ZNF276: variants seen among roughly 807,000 people sequenced by gnomAD.
The protein encoded by ZNF276 is zinc finger protein 276.
Under a neutral mutation model 63.9 loss-of-function variants are expected in ZNF276, and 59 were observed. That is an observed-to-expected ratio of 0.92 (90% CI 0.75 to 1.15). ZNF276 has a LOEUF of 1.15. ZNF276 is among the 50% of genes most tolerant of loss of function. ZNF276 has a pLI of 0.00. For synonymous variants in ZNF276, 496 were observed against 348.4 expected (o/e 1.42, Z -4.72); for missense variants, 1,084 against 843.8 (o/e 1.28, Z -3.53).
chr16:89,727,097 G>A (rs2061493270), intron 4 of ZNF276, among the ~76,000 whole-genome samples, 182 bp from the exon 5 acceptor site: 1 of 152,224 alleles, frequency 6.6e-6, no homozygotes, highest in Non-Finnish European at 1.5e-5. Context: ...ACGTTGGGCT[G>A]GCAGGGCAGG....
chr16:89,734,710 G>C (rs916285463), intron 9 of ZNF276, among the ~76,000 whole-genome samples: 2 of 152,210 alleles, frequency 1.3e-5, no homozygotes, highest in African/African-American at 4.8e-5. Flanking sequence ...GGCACGTGTG[G>C]TTCTGCCTTT....
Position 89,733,910 on chromosome 16 carries a change from C to T in ZNF276, c.1357-11C>T. 6.2e-7 allele frequency: 1 copy of T among 1,612,628 alleles called. No homozygotes were observed. Among genetic ancestry groups the T allele is most frequent in the Non-Finnish European group, 8.5e-7 (1 of 1,179,058 alleles). On this transcript the variant is annotated splice_polypyrimidine_tract_variant and intron_variant, in intron 8 of 10. Coordinates refer to ENST00000443381, the MANE Select transcript of ZNF276 (RefSeq NM_001113525.2). ...CGGCTCTGAGGGTCTCTCACCGAGT[C>T]TCTCCTTCAGAAGCACATCAAGGAG...
In ZNF276 at chr16:89,723,248, G is replaced by A; in HGVS notation, c.557-12G>A. The A allele has an allele frequency of 6.2e-7, 1 of 1,613,184 alleles. No homozygotes were observed. The highest frequency in any genetic ancestry group is 8.5e-7 in the Non-Finnish European group (1 of 1,180,016). ...CAGCCGTGGATCTGACATCTCTGTT[G>A]ACTCTCTGCAGTGGATCTGATCACA... On this transcript the variant is annotated splice_polypyrimidine_tract_variant and intron_variant, in intron 3 of 10. Transcript: ENST00000443381.
intron 9 of ZNF276, among the ~76,000 whole-genome samples, chr16:89,736,316 C>T (rs961221361): frequency 6.7e-5 from 10 of 149,736 alleles, no homozygotes; most frequent in South Asian, 2.2e-4. Flanking sequence ...CATGAGCCAC[C>T]GTGCCCAGCC....
rs772705445 is a variant in ZNF276, at chr16:89,733,506, G to A, written c.1305G>A (p.Lys435=). ...GGGAGGAGCTTCCCACCATCTACAA[G>A]TGTCCTTACCAGGGCTGCACGGCCG... ...CEREELPTIY[K]CPYQGCTAVY... is the part of the protein sequence containing the mutation. The change falls in exon 8 of 11, where the codon AAG becomes AAA. Residue 435 remains lysine (K), a synonymous_variant. Coordinates refer to ENST00000443381, the MANE Select transcript of ZNF276 (RefSeq NM_001113525.2). 10 of 1,614,192 alleles carry A rather than the reference G, an allele frequency of 6.2e-6. No individual in the cohort carries two copies. The East Asian group carries it at 2.0e-4, about 32-fold the overall frequency.
chr16:89,734,640 CAAGGCAG>C (rs1461417842), intron 9 of ZNF276, among the ~76,000 whole-genome samples: 1 of 151,784 alleles, frequency 6.6e-6, no homozygotes, highest in African/African-American at 2.4e-5. Context: ...TCTTAAAAGG[CAAGGCAG>C]AAGGCATGAA....
chr16:89,722,201 C>G (rs576513632), intron 1 of ZNF276, among the ~76,000 whole-genome samples: 1 of 152,328 alleles, frequency 6.6e-6, no homozygotes, highest in African/African-American at 2.4e-5. Context: ...AATTGGCAGA[C>G]AGGAAACCGC....
intron 9 of ZNF276, among the ~76,000 whole-genome samples, chr16:89,736,396 C>T (rs1184287777): frequency 1.3e-5 from 2 of 150,816 alleles, no homozygotes; most frequent in Non-Finnish European, 3.0e-5. Flanking sequence ...GCAATCTCAG[C>T]TCACTGCAAC....
At position 89,729,296 on chromosome 16, in the gene ZNF276, T is replaced by A. The variant is rs770956372; in HGVS notation, c.1147T>A (p.Phe383Ile). 1.2e-6 allele frequency: 2 copies of A among 1,614,116 alleles called. No individual in the cohort carries two copies. The highest frequency in any genetic ancestry group is 1.7e-6 in the Non-Finnish European group (2 of 1,180,002). The part of the protein sequence containing the change: ...KQNAQSSDES[F>I]EPYPERKVSG... ...AAATGCCCAGTCTTCGGACGAGTCC[T>A]TTGAGCCTTACCCAGAAAGGAAGTA... The change falls in exon 6 of 11, where the codon TTT becomes ATT. Residue 383 changes from phenylalanine (F) to isoleucine (I), a missense_variant. Physicochemically the swap from Phe to Ile is conservative, Grantham distance 21. Transcript: ENST00000443381.
chr16:89,735,044 A>G (rs1255239519), intron 9 of ZNF276, among the ~76,000 whole-genome samples: 1 of 151,500 alleles, frequency 6.6e-6, no homozygotes, highest in East Asian at 2.0e-4. Context: ...CTGTAGGCAC[A>G]GCTACTTGGG....
rs1209919154 is a variant in ZNF276, at chr16:89,738,677, T to C, written c.*431T>C. ...TCTGCTCTGGAGGGCGGCGCTCACC[T>C]CTGGGTCGCAGTCCCCACGATCAGC... On this transcript the variant is annotated 3_prime_UTR_variant, in exon 11 of 11. Transcript: ENST00000443381. 6.2e-7 allele frequency: 1 copy of C among 1,613,786 alleles called. No homozygotes were observed. The highest frequency in any genetic ancestry group is 1.7e-5 in the Admixed American group (1 of 60,030).
At position 89,740,827 on chromosome 16, in the gene ZNF276, G is replaced by A. The variant is rs757641646; in HGVS notation, c.*2581G>A. ...ACATTTGAGGTCAGATGTGACGACA[G>A]CAGGCCCATCAAGGAGAAGAAGAAA... On this transcript the variant is annotated 3_prime_UTR_variant, in exon 11 of 11. Coordinates refer to ENST00000443381, the MANE Select transcript of ZNF276 (RefSeq NM_001113525.2). 5 of 1,613,542 alleles carry A rather than the reference G, an allele frequency of 3.1e-6. No individual in the cohort carries two copies. In the South Asian group the frequency reaches 4.4e-5, roughly 14 times the overall value.
chr16:89,732,632 C>G (rs895304327), intron 6 of ZNF276: 30 of 216,354 alleles, frequency 1.4e-4, no homozygotes, highest in Admixed American at 3.1e-4. Context: ...CCCTCGCCCT[C>G]CGCTGTGTTT....
At chr16:89,722,498 C>G (rs778186971) in intron 1 of ZNF276, 33 bp from the exon 2 acceptor site, 7 of 1,577,910 alleles carry the variant, frequency 4.4e-6, no homozygotes, top group South Asian at 1.2e-5. Flanking sequence ...GCCTCCTTTG[C>G]CAGCTGCTAA....
intron 6 of ZNF276, among the ~76,000 whole-genome samples, chr16:89,731,027 G>A (rs180896457): frequency 4.7e-4 from 72 of 152,220 alleles, no homozygotes; most frequent in Admixed American, 1.4e-3. Flanking sequence ...AAAGATTCCC[G>A]TCCCAAACAC....
intron 9 of ZNF276, among the ~76,000 whole-genome samples, chr16:89,735,070 T>C (rs571493797): frequency 2.7e-5 from 4 of 150,322 alleles, no homozygotes; most frequent in Non-Finnish European, 4.5e-5. Flanking sequence ...GAGGTGGAGG[T>C]TGCAGTGAGC....
chr16:89,726,941 G>A (rs151135501), intron 4 of ZNF276, among the ~76,000 whole-genome samples: 1 of 152,344 alleles, frequency 6.6e-6, no homozygotes, highest in East Asian at 1.9e-4. Flanking sequence ...ACCGTGCCTG[G>A]CCTAGTAATT....
rs2062097222 is a variant in ZNF276 at position 89,740,306 on chromosome 16, C to T, written c.*2060C>T. The T allele has an allele frequency of 3.4e-6, 2 of 592,912 alleles. No individual in the cohort carries two copies. The highest frequency in any genetic ancestry group is 2.9e-5 in the Admixed American group (1 of 34,904). 36.7% of individuals were successfully genotyped at this position (592,912 alleles called of 1,614,324 possible). On this transcript the variant is annotated 3_prime_UTR_variant, in exon 11 of 11. Transcript: ENST00000443381. ...AGGCCAGGGACTTCGAGCACCCACA[C>T]CAAGGCTGCTGCACCACGTCCTCAA...
rs908183570 is a variant in ZNF276 at position 89,739,894 on chromosome 16, T to C, written c.*1648T>C. 5 of 1,571,710 alleles carry C rather than the reference T, an allele frequency of 3.2e-6. No homozygotes were observed. Among genetic ancestry groups the C allele is most frequent in the Admixed American group, 1.8e-5 (1 of 54,474 alleles). On this transcript the variant is annotated 3_prime_UTR_variant, in exon 11 of 11. Coordinates refer to ENST00000443381, the MANE Select transcript of ZNF276 (RefSeq NM_001113525.2). ...ACTAAAATGGAGCTTATAAACTTAC[T>C]TAGCAAGGAACCTCAAGGAGGGCTC...
Sources: allele counts gnomAD v4.1 joint callset (sites outside exome capture counted in the v4.1 genomes callset), GRCh38; gene constraint gnomAD v4.1.1; transcripts MANE v1.5; gene names NCBI Gene and HGNC (gene_info 2026-07-23, HGNC 2026-07-21).